Variants in SNAPC1 observed in about 807,000 individuals in gnomAD.
SNAPC1 encodes the protein snRNA-activating protein complex subunit 1.
A neutral mutation model predicts 50.1 loss-of-function variants in SNAPC1; 42 were observed. That is an observed-to-expected ratio of 0.84 (90% CI 0.65 to 1.08). SNAPC1 has a LOEUF of 1.08. SNAPC1 is among the 50% of genes least tolerant of loss of function. The pLI is 0.00. For missense variants in SNAPC1, 477 were observed against 427.3 expected, an observed-to-expected ratio of 1.12 and a Z score of -1.02; for synonymous variants, 164 against 144.2, an observed-to-expected ratio of 1.14 and a Z score of -0.98.
At position 61,768,705 on chromosome 14, in the gene SNAPC1, C is replaced by T. The variant is rs371903221; in HGVS notation, c.499C>T (p.Arg167Cys). 6.8e-5 allele frequency: 109 copies of T among 1,610,472 alleles called. No homozygotes were observed. Among genetic ancestry groups the T allele is most frequent in the Non-Finnish European group, 8.6e-5 (101 of 1,177,442 alleles). The change falls in exon 4 of 10, where the codon CGT becomes TGT. Residue 167 changes from arginine (R) to cysteine (C), a missense_variant. By Grantham distance (180) the Arg-to-Cys change is radical. Coordinates refer to ENST00000216294, the MANE Select transcript of SNAPC1 (RefSeq NM_003082.4). ...AGAAGAATTTAAGGACCCAAGTGAT[C>T]GTGTGATGAAACTTATCACTTCTGA... Reference protein sequence around the residue: ...VTEEFKDPSDRVMKLITSDVL... With the variant: ...VTEEFKDPSDCVMKLITSDVL...
chr14:61,766,094 A>G (rs1319473144), intron 1 of SNAPC1, among the ~76,000 whole-genome samples: 1 of 152,196 alleles, frequency 6.6e-6, no homozygotes, highest in Non-Finnish European at 1.5e-5. Context: ...TTATTCAAAG[A>G]CCTATGCTAA....
At chr14:61,770,727 C>G (rs924567974) in intron 4 of SNAPC1, among the ~76,000 whole-genome samples, 3 of 152,050 alleles carry the variant, frequency 2.0e-5, no homozygotes, top group Non-Finnish European at 2.9e-5. Context: ...AAATTGATGT[C>G]ATACATATGG....
At position 61,795,163 on chromosome 14, in the gene SNAPC1, ATTC is replaced by A. The variant is rs2045180142; in HGVS notation, c.*183_*185del. On this transcript the variant is annotated 3_prime_UTR_variant, in exon 10 of 10. Transcript: ENST00000216294. Reference sequence around the variant, plus strand: ...AAAAGTACAAAAAATTAGAATAAGAATTCTTTAACATTTTCTTTAATGATTTGC... The same window carrying A: ...AAAAGTACAAAAAATTAGAATAAGAATTTAACATTTTCTTTAATGATTTGC... 1.9e-6 allele frequency: 1 copy of A among 526,650 alleles called. No individual in the cohort carries two copies. Among genetic ancestry groups the A allele is most frequent in the Non-Finnish European group, 3.3e-6 (1 of 299,992 alleles). The allele number at this position is 526,650 out of a possible 1,614,324, so 32.6% of individuals were successfully genotyped here.
chr14:61,785,140 T>G (rs2045106025), intron 8 of SNAPC1, among the ~76,000 whole-genome samples: 1 of 152,112 alleles, frequency 6.6e-6, no homozygotes, highest in Non-Finnish European at 1.5e-5. Flanking sequence ...CGGTGGCCCA[T>G]GCTTGTAATC....
chr14:61,790,345 C>CT (rs1047104539), intron 8 of SNAPC1, among the ~76,000 whole-genome samples: 20 of 152,070 alleles, frequency 1.3e-4, no homozygotes, highest in Admixed American at 5.2e-4. Flanking sequence ...TTTATTAACA[C>CT]TTTTTTTTGA....
At chr14:61,787,865 A>G (rs1456945794) in intron 8 of SNAPC1, among the ~76,000 whole-genome samples, 1 of 152,246 alleles carries the variant, frequency 6.6e-6, no homozygotes, top group Admixed American at 6.5e-5. Context: ...AACCCTCACA[A>G]GCACTTTTTA....
chr14:61,767,214 C>T lies in SNAPC1; in HGVS notation c.291C>T (p.Ile97=). 3 of 1,448,878 alleles carry T rather than the reference C, an allele frequency of 2.1e-6. No homozygotes were observed. The highest frequency in any genetic ancestry group is 2.7e-6 in the Non-Finnish European group (3 of 1,096,486). The allele number at this position is 1,448,878 out of a possible 1,614,324, so 89.8% of individuals were successfully genotyped here. Residue 97 remains isoleucine, a splice_region_variant and synonymous_variant, in exon 3 of 10, where the codon ATC becomes ATT. Coordinates refer to ENST00000216294, the MANE Select transcript of SNAPC1 (RefSeq NM_003082.4). ...NTQLCQPKQK[I]RVALKDWDEV... ...CTTTTTTTTCTTCCTGGTTGCAGATCAGAGTTGCCCTGAAGGATTGGGATG... is the reference window on the plus strand; with the variant it reads ...CTTTTTTTTCTTCCTGGTTGCAGATTAGAGTTGCCCTGAAGGATTGGGATG...
intron 1 of SNAPC1, among the ~76,000 whole-genome samples, chr14:61,765,988 T>C (rs2044945768): frequency 6.6e-6 from 1 of 152,144 alleles, no homozygotes; most frequent in African/African-American, 2.4e-5. Context: ...TTGGAGAAAA[T>C]GTTCGTTAGG....
At chr14:61,789,951 C>T (rs567749574) in intron 8 of SNAPC1, among the ~76,000 whole-genome samples, 4 of 152,150 alleles carry the variant, frequency 2.6e-5, no homozygotes, top group Admixed American at 1.3e-4. Flanking sequence ...TTAGGAGTAA[C>T]GAGCGTGTGC....
At chr14:61,767,128 TA>T in intron 2 of SNAPC1, 83 bp from the exon 3 acceptor site, 1 of 1,121,208 alleles carries the variant, frequency 8.9e-7, no homozygotes, top group East Asian at 3.0e-5. Context: ...ATGATTTAAA[TA>T]AAATGCCAGT....
chr14:61,774,595 A>G (rs746655593), intron 4 of SNAPC1, among the ~76,000 whole-genome samples: 17 of 146,698 alleles, frequency 1.2e-4, no homozygotes, highest in South Asian at 6.4e-4. Context: ...CTGTTCTCCC[A>G]TTGCAGATCC....
At chr14:61,779,708 G>T (rs1293470388) in intron 7 of SNAPC1, among the ~76,000 whole-genome samples, 12 of 115,500 alleles carry the variant, frequency 1.0e-4, no homozygotes, top group African/African-American at 1.7e-4. Context: ...CACTTTGTTG[G>T]TTTTTTTTTT....
intron 1 of SNAPC1, among the ~76,000 whole-genome samples, chr14:61,763,770 C>T (rs1256570431): frequency 6.6e-6 from 1 of 152,026 alleles, no homozygotes; most frequent in Non-Finnish European, 1.5e-5. Context: ...GGTTATGGAA[C>T]CCAATTGGCT....
chr14:61,777,248 A>C (rs2045041130), intron 5 of SNAPC1, among the ~76,000 whole-genome samples: 1 of 152,266 alleles, frequency 6.6e-6, no homozygotes, highest in African/African-American at 2.4e-5. Context: ...GGGAAGAAGA[A>C]AATAACTTTA....
intron 4 of SNAPC1, among the ~76,000 whole-genome samples, chr14:61,774,850 A>G (rs1322199565): frequency 6.6e-6 from 1 of 151,472 alleles, no homozygotes; most frequent in East Asian, 1.9e-4. Context: ...TTTAGTAGAG[A>G]CGGGGTTTCT....
At chr14:61,774,203 T>A (rs962997172) in intron 4 of SNAPC1, among the ~76,000 whole-genome samples, 7 of 151,312 alleles carry the variant, frequency 4.6e-5, no homozygotes, top group African/African-American at 1.5e-4. Context: ...GGTCTTGCTG[T>A]GTTGCCTGAG....
Position 61,767,247 on chromosome 14 carries a change from A to C in SNAPC1, c.324A>C (p.Leu108Phe). Residue 108 changes from leucine (L) to phenylalanine (F), a missense_variant, in exon 3 of 10, where the codon TTA (leucine) becomes TTC (phenylalanine). Leu to Phe is a conservative substitution (Grantham distance 22, BLOSUM62 0). Transcript: ENST00000216294. ...CCCTGAAGGATTGGGATGAAGTTTTAAAATTTCAGCAAGATTTAGTAAATG... is the reference window on the plus strand; with the variant it reads ...CCCTGAAGGATTGGGATGAAGTTTTCAAATTTCAGCAAGATTTAGTAAATG... The part of the protein sequence containing the change: ...RVALKDWDEV[L>F]KFQQDLVNAQ... 8.6e-6 allele frequency: 13 copies of C among 1,515,902 alleles called. No homozygotes were observed. The highest frequency in any genetic ancestry group is 1.1e-5 in the Non-Finnish European group (12 of 1,130,620). 93.9% of individuals were successfully genotyped at this position (1,515,902 alleles called of 1,614,324 possible).
Position 61,762,567 on chromosome 14 carries a change from T to TG in SNAPC1, c.108dup (p.Lys37GlufsTer51). The TG allele has an allele frequency of 6.4e-7, 1 of 1,571,650 alleles. No homozygotes were observed. Among genetic ancestry groups the TG allele is most frequent in the South Asian group, 1.2e-5 (1 of 85,018 alleles). ...GACTTCACGGAGCTCTGGAGAAACA[T>TG]GAAGTTCGGGACTATCTTCTGGTGG... On this transcript the variant is annotated frameshift_variant, in exon 1 of 10. Transcript: ENST00000216294. LOFTEE classifies it high-confidence loss of function.
intron 4 of SNAPC1, among the ~76,000 whole-genome samples, chr14:61,775,130 C>A (rs928302265): frequency 3.9e-5 from 6 of 152,148 alleles, no homozygotes; most frequent in African/African-American, 1.4e-4. Context: ...TTCTTAAGTC[C>A]ACTCTGTGGT....
Sources: gnomAD v4.1 joint callset for allele counts (sites outside exome capture counted in the v4.1 genomes callset) on GRCh38, gnomAD v4.1.1 for gene constraint, MANE v1.5 for transcripts, NCBI Gene and HGNC (gene_info 2026-07-23, HGNC 2026-07-21) for gene names.